TSPAN7: variants seen among roughly 807,000 people sequenced by gnomAD.
The protein encoded by TSPAN7 is tetraspanin-7.
A neutral mutation model predicts 17.6 loss-of-function variants in TSPAN7; 1 was observed. The observed-to-expected ratio is 0.06, with a 90% confidence interval of 0.02 to 0.27. The LOEUF (loss-of-function observed/expected upper bound fraction) is 0.27. Among genes scored for constraint, TSPAN7 ranks in the 10% least tolerant of loss-of-function variants. The probability of loss-of-function intolerance (pLI) is 1.00; values close to 1 mark genes in which losing one functional copy is unlikely to be tolerated. For synonymous variants in TSPAN7, 78 were observed against 79.0 expected, an observed-to-expected ratio of 0.99 and a Z score of 0.07; for missense variants, 112 against 201.7, an observed-to-expected ratio of 0.56 and a Z score of 2.69.
chrX:38,625,664 G>A (rs1602104118), intron 1 of TSPAN7, among the ~76,000 whole-genome samples: 1 of 111,894 alleles, frequency 8.9e-6, no homozygotes, highest in East Asian at 2.8e-4. Flanking sequence ...CAATGGAGAG[G>A]GGAAAATAAT....
chrX:38,632,029 G>A (rs1293929919), intron 1 of TSPAN7, among the ~76,000 whole-genome samples: 1 of 110,532 alleles, frequency 9.0e-6, no homozygotes, highest in Non-Finnish European at 1.9e-5. Flanking sequence ...TTTTTTTTAG[G>A]TCTGATGACT....
At chrX:38,634,919 G>A (rs778281773) in intron 1 of TSPAN7, among the ~76,000 whole-genome samples, 11 of 104,831 alleles carry the variant, frequency 1.0e-4, no homozygotes, top group Non-Finnish European at 2.1e-4. Flanking sequence ...TGGTCAGGAG[G>A]GATCCAGGAA....
chrX:38,655,237 C>T (rs2069696079), intron 1 of TSPAN7, among the ~76,000 whole-genome samples: 1 of 111,533 alleles, frequency 9.0e-6, no homozygotes, highest in African/African-American at 3.3e-5. Flanking sequence ...GAGATGGAGG[C>T]TTGGCCTAGG....
chrX:38,581,647 G>C (rs1441519457), intron 1 of TSPAN7, among the ~76,000 whole-genome samples: 1 of 111,865 alleles, frequency 8.9e-6, no homozygotes, highest in African/African-American at 3.3e-5. Flanking sequence ...GGCTGCTGTG[G>C]GTAAGACATA....
At chrX:38,618,762 TA>T (rs1416072491) in intron 1 of TSPAN7, among the ~76,000 whole-genome samples, 1 of 111,601 alleles carries the variant, frequency 9.0e-6, no homozygotes, top group Non-Finnish European at 1.9e-5. Context: ...GATGCTGTGT[TA>T]GGTCTAGGGG....
chrX:38,646,306 G>C (rs1468150797), intron 1 of TSPAN7: 1 of 1,152,311 alleles, frequency 8.7e-7, no homozygotes, highest in East Asian at 3.3e-5. Flanking sequence ...ATGTGGCTAT[G>C]GCTTTGGTAA....
chrX:38,583,949 C>CTTTTTTTTTTTTTTTTTTTT (rs34777484), intron 1 of TSPAN7, among the ~76,000 whole-genome samples: 2 of 66,953 alleles, frequency 3.0e-5, no homozygotes, highest in Non-Finnish European at 5.6e-5. Flanking sequence ...TTTTTCTTTT[C>CTTTTTTTTTTTTTTTTTTTT]TTTTTTTTTT....
intron 1 of TSPAN7, among the ~76,000 whole-genome samples, chrX:38,572,372 C>T: frequency 9.0e-6 from 1 of 111,508 alleles, no homozygotes; most frequent in South Asian, 3.8e-4. Context: ...AAGTGTGTTC[C>T]TGAAGCAAGT....
intron 1 of TSPAN7, among the ~76,000 whole-genome samples, chrX:38,658,150 G>T (rs2069715718): frequency 9.0e-6 from 1 of 110,557 alleles, no homozygotes; most frequent in Non-Finnish European, 1.9e-5. Context: ...GTGTATGCAG[G>T]ATCAATGAAT....
chrX:38,580,420 T>A (rs749589944), intron 1 of TSPAN7, among the ~76,000 whole-genome samples: 7 of 112,444 alleles, frequency 6.2e-5, no homozygotes, highest in African/African-American at 2.3e-4. Flanking sequence ...CTAGATGTTT[T>A]ATTTAGTGGT....
intron 1 of TSPAN7, among the ~76,000 whole-genome samples, chrX:38,615,335 CT>C (rs1316140551): frequency 9.9e-5 from 11 of 111,037 alleles, no homozygotes; most frequent in South Asian, 3.8e-4. Flanking sequence ...TGAAAATAAG[CT>C]TTTTTTTCCC....
intron 1 of TSPAN7, among the ~76,000 whole-genome samples, chrX:38,579,417 TA>T (rs1409736762): frequency 9.9e-4 from 101 of 101,992 alleles, no homozygotes; most frequent in Non-Finnish European, 1.4e-3. Context: ...CCGTCTCTAC[TA>T]AAAAAAAAAA....
At chrX:38,672,309 T>C (rs7061844) in intron 3 of TSPAN7, among the ~76,000 whole-genome samples, 2 of 104,840 alleles carry the variant, frequency 1.9e-5, no homozygotes, top group South Asian at 8.3e-4. Context: ...CCAGGCCCTG[T>C]TTTTTTTTTT....
chrX:38,672,636 T>C (rs1569315548), intron 3 of TSPAN7, among the ~76,000 whole-genome samples: 2 of 111,402 alleles, frequency 1.8e-5, no homozygotes, highest in African/African-American at 6.5e-5. Flanking sequence ...CAGCCTGGCT[T>C]GTTCCTACCT....
intron 1 of TSPAN7, among the ~76,000 whole-genome samples, chrX:38,655,190 G>A (rs1392219589): frequency 3.6e-5 from 4 of 111,579 alleles, no homozygotes; most frequent in African/African-American, 6.5e-5. Context: ...CAACTGCTGT[G>A]TTGAATAGAG....
At chrX:38,635,722 G>A (rs1019873671) in intron 1 of TSPAN7, among the ~76,000 whole-genome samples, 2 of 112,177 alleles carry the variant, frequency 1.8e-5, no homozygotes, top group African/African-American at 6.5e-5. Flanking sequence ...AAAAAAGTAT[G>A]AATATTATCT....
At chrX:38,618,621 C>T (rs1469872450) in intron 1 of TSPAN7, among the ~76,000 whole-genome samples, 2 of 111,912 alleles carry the variant, frequency 1.8e-5, no homozygotes, top group African/African-American at 6.5e-5. Flanking sequence ...CAGACTATAC[C>T]TCTAGTCGCT....
chrX:38,631,173 A>T (rs1051812763), intron 1 of TSPAN7, among the ~76,000 whole-genome samples: 1 of 110,888 alleles, frequency 9.0e-6, no homozygotes, highest in Admixed American at 9.6e-5. Flanking sequence ...GCATTTTTAT[A>T]GTGGTGGTCT....
chrX:38,653,372 A>C (rs2069686297), intron 1 of TSPAN7, among the ~76,000 whole-genome samples: 1 of 111,561 alleles, frequency 9.0e-6, no homozygotes, highest in Admixed American at 9.5e-5. Context: ...ACTTTTGGTT[A>C]GAGCTACTTT....
Sources: gnomAD v4.1 joint callset for allele counts (sites outside exome capture counted in the v4.1 genomes callset) on GRCh38, gnomAD v4.1.1 for gene constraint, MANE v1.5 for transcripts, NCBI Gene and HGNC (gene_info 2026-07-23, HGNC 2026-07-21) for gene names.